LETM1: variants seen among roughly 807,000 people sequenced by gnomAD.
The protein encoded by LETM1 is mitochondrial proton/calcium exchanger protein.
A neutral mutation model predicts 74.5 loss-of-function variants in LETM1; 50 were observed. That is an observed-to-expected ratio of 0.67 (90% CI 0.53 to 0.85). The LOEUF (loss-of-function observed/expected upper bound fraction) is 0.85. Ranked by LOEUF, LETM1 falls within the 40% of genes least tolerant of loss-of-function variation. The pLI is 0.00. For missense variants in LETM1, 824 were observed against 967.8 expected (o/e 0.85, Z 1.97); for synonymous variants, 446 against 407.1 (o/e 1.10, Z -1.15).
At chr4:1,840,240 G>A (rs1712639295) in intron 3 of LETM1, among the ~76,000 whole-genome samples, 1 of 152,164 alleles carries the variant, frequency 6.6e-6, no homozygotes, top group African/African-American at 2.4e-5. Flanking sequence ...AGCCGGGTGT[G>A]ATGGTATATG....
At chr4:1,824,328 G>C (rs1280453922) in intron 7 of LETM1, among the ~76,000 whole-genome samples, 1 of 152,144 alleles carries the variant, frequency 6.6e-6, no homozygotes, top group African/African-American at 2.4e-5. Context: ...CTCAAACAAA[G>C]AAACAAGACC....
rs1012257538 is a variant in LETM1 at position 1,812,992 on chromosome 4, G to A, written c.*1432C>T. The stretch of plus-strand genomic sequence containing the variant: ...TGGCAACTGCAAGACTTGTTCTCAA[G>A]GGTAAGTACACTTGGACAAACGAAC... On this transcript the variant is annotated 3_prime_UTR_variant, in exon 14 of 14. Transcript: ENST00000302787. The A allele has an allele frequency of 6.6e-6, 1 of 152,364 alleles. No individual in the cohort carries two copies. The highest frequency in any genetic ancestry group is 2.4e-5 in the African/African-American group (1 of 41,456). 9.4% of individuals were successfully genotyped at this position (152,364 alleles called of 1,614,324 possible).
intron 6 of LETM1, among the ~76,000 whole-genome samples, chr4:1,830,549 G>T (rs1259082724): frequency 1.3e-5 from 2 of 152,162 alleles, no homozygotes; most frequent in Non-Finnish European, 2.9e-5. Flanking sequence ...GCCCAGGAAG[G>T]TCTCAAACTA....
intron 11 of LETM1, among the ~76,000 whole-genome samples, chr4:1,817,163 T>G (rs1711595054): frequency 6.7e-6 from 1 of 149,860 alleles, no homozygotes; most frequent in Non-Finnish European, 1.5e-5. Flanking sequence ...GAGAATCGCT[T>G]GAACCCAGGA....
rs1200840407 is a variant in LETM1 at position 1,834,157 on chromosome 4, C to T, written c.876+688G>A. The T allele has an allele frequency of 6.5e-6, 1 of 154,380 alleles. No individual in the cohort carries two copies. Among genetic ancestry groups the T allele is most frequent in the African/African-American group, 2.4e-5 (1 of 41,504 alleles). 9.6% of individuals were successfully genotyped at this position (154,380 alleles called of 1,614,324 possible). A position where few individuals can be genotyped will look rare whatever the true frequency, so the allele number is the denominator to read the frequency against. ...CTTTGCAGCCATGGAAACCACTCGC[C>T]TCTGTGCTGCAGCGGGAAAACCCCA... On this transcript the variant is annotated intron_variant, in intron 5 of 13. Transcript: ENST00000302787. This position sits in a 1 kb window ranked among gnomAD's most constrained non-coding sequence, Gnocchi z 5.0.
chr4:1,820,348 T>C (rs1249604759), intron 10 of LETM1, among the ~76,000 whole-genome samples: 1 of 152,240 alleles, frequency 6.6e-6, no homozygotes, highest in Non-Finnish European at 1.5e-5. Context: ...GGTGCCATAC[T>C]GTTCAAACCT....
intron 11 of LETM1, among the ~76,000 whole-genome samples, chr4:1,817,882 C>A (rs1711628992): frequency 6.6e-6 from 1 of 152,208 alleles, no homozygotes; most frequent in Admixed American, 6.5e-5. Flanking sequence ...CACTCCCAAG[C>A]AATCCTCCTG....
At chr4:1,816,625 T>C (rs1014539483) in intron 12 of LETM1, 102 bp downstream of exon 12, 10 of 1,129,424 alleles carry the variant, frequency 8.9e-6, no homozygotes, top group African/African-American at 4.7e-5. Flanking sequence ...GAGGCTACAA[T>C]GTGCCCTTTG....
At chr4:1,842,433 C>T (rs938703752) in intron 2 of LETM1, among the ~76,000 whole-genome samples, 2 of 152,244 alleles carry the variant, frequency 1.3e-5, no homozygotes, top group African/African-American at 4.8e-5. Context: ...GAGCCTCACA[C>T]CTGCCCCCCC....
intron 2 of LETM1, among the ~76,000 whole-genome samples, chr4:1,845,545 TTTTTC>T (rs1464398950): frequency 6.6e-6 from 1 of 151,370 alleles, no homozygotes; most frequent in African/African-American, 2.4e-5. Context: ...TTTTCTTTTT[TTTTTC>T]TTTTTTTTTT....
At chr4:1,835,019 C>G (rs369521270) in intron 4 of LETM1, 37 bp from the exon 5 acceptor site, 74 of 1,599,876 alleles carry the variant, frequency 4.6e-5, no homozygotes, top group Non-Finnish European at 6.1e-5. Flanking sequence ...TCCAACTGCT[C>G]AGACTGTGGT....
chr4:1,823,637 C>T lies in LETM1; in HGVS notation c.1332+7G>A, dbSNP rs774626675. 6.2e-7 allele frequency: 1 copy of T among 1,613,474 alleles called. No homozygotes were observed. Among genetic ancestry groups the T allele is most frequent in the Non-Finnish European group, 8.5e-7 (1 of 1,179,886 alleles). Reference sequence around the variant, plus strand: ...ATGAGGTAAAAGGGGTCTCCGACAGCACGTACCACAATCTCTGGGAGGGTC... The same window carrying T: ...ATGAGGTAAAAGGGGTCTCCGACAGTACGTACCACAATCTCTGGGAGGGTC... On this transcript the variant is annotated splice_region_variant and intron_variant, in intron 8 of 13. Coordinates refer to ENST00000302787, the MANE Select transcript of LETM1 (RefSeq NM_012318.3).
rs1010943728 is a variant in LETM1, at chr4:1,841,708, T to C, written c.233A>G (p.Glu78Gly). 8.7e-6 allele frequency: 14 copies of C among 1,613,984 alleles called. No homozygotes were observed. Among genetic ancestry groups the C allele is most frequent in the Admixed American group, 8.3e-5 (5 of 59,990 alleles). ...DHLGCWALRP[E>G]CLRIVSRAPW... ...CGCTCTCGACACTATGCGAAGGCAC[T>C]CGGGCCTCAGAGCCCAACAGCCGAG... Residue 78 changes from glutamate to glycine, a missense_variant, in exon 3 of 14, where the codon GAG (glutamate) becomes GGG (glycine). By Grantham distance (98) the Glu-to-Gly change is moderately conservative (BLOSUM62 -2). Around this residue, in one of 4 missense-constraint regions of LETM1, gnomAD observed 222 missense variants for 195.6 expected, o/e 1.14. Transcript: ENST00000302787.
chr4:1,847,583 G>A (rs1480639745), intron 2 of LETM1, among the ~76,000 whole-genome samples: 2 of 152,072 alleles, frequency 1.3e-5, no homozygotes, highest in Non-Finnish European at 2.9e-5. Context: ...ACTTTGGGAG[G>A]CCGAGGTAGG....
chr4:1,823,808 GC>G (rs765528865), intron 7 of LETM1, 33 bp from the exon 8 acceptor site: 20 of 1,586,370 alleles, frequency 1.3e-5, no homozygotes, highest in Admixed American at 6.9e-5. Flanking sequence ...CAGATGGGCA[GC>G]CCCCCAACCC....
intron 1 of LETM1, among the ~76,000 whole-genome samples, chr4:1,854,591 C>T (rs977825711): frequency 6.6e-6 from 1 of 151,776 alleles, no homozygotes; most frequent in East Asian, 1.9e-4. Context: ...GTCAGGAGTT[C>T]GAGACCCGCC....
At chr4:1,833,062 G>C in intron 5 of LETM1, 115 bp from the exon 6 acceptor site, 1 of 835,142 alleles carries the variant, frequency 1.2e-6, no homozygotes, top group Non-Finnish European at 1.9e-6. Flanking sequence ...TCAAACCACT[G>C]ACTACTTCTT....
In LETM1 at chr4:1,815,733, C is replaced by T; in HGVS notation, c.2001G>A (p.Lys667=). ...CCAGTGCTGCGGCCAGGCTGGTGAG[C>T]TTGCTTTCGGGAATGTGCTTGACTT... The part of the protein sequence containing the change: ...MKQVKHIPES[K]LTSLAAALDE... Residue 667 remains lysine, a synonymous_variant, in exon 13 of 14, where the codon AAG becomes AAA. Transcript: ENST00000302787. 1 of 1,614,242 alleles carries T rather than the reference C, an allele frequency of 6.2e-7. No individual in the cohort carries two copies. The highest frequency in any genetic ancestry group is 8.5e-7 in the Non-Finnish European group (1 of 1,180,026).
At chr4:1,815,102 T>G (rs933202703) in intron 13 of LETM1, among the ~76,000 whole-genome samples, 9 of 152,142 alleles carry the variant, frequency 5.9e-5, no homozygotes, top group African/African-American at 2.2e-4. Flanking sequence ...TTGGGAAAAT[T>G]GGTGTGCGCA....
Sources: allele counts gnomAD v4.1 joint callset (sites outside exome capture counted in the v4.1 genomes callset), GRCh38; gene constraint gnomAD v4.1.1; regional missense constraint gnomAD v4.1.1; non-coding constraint Gnocchi (gnomAD v3.1); transcripts MANE v1.5; gene names NCBI Gene and HGNC (gene_info 2026-07-23, HGNC 2026-07-21).